TMEM161B: variants seen among roughly 807,000 people sequenced by gnomAD.
The protein encoded by TMEM161B is transmembrane protein 161B.
A neutral mutation model predicts 61.8 loss-of-function variants in TMEM161B; 34 were observed. That is an observed-to-expected ratio of 0.55 (90% CI 0.42 to 0.73). The LOEUF (loss-of-function observed/expected upper bound fraction) is 0.73, where lower values mean the gene tolerates loss of function less well. Among genes scored for constraint, TMEM161B ranks in the 30% least tolerant of loss-of-function variants. The pLI is 0.00. For synonymous variants in TMEM161B, 167 were observed against 192.8 expected (o/e 0.87, Z 1.11); for missense variants, 456 against 558.5 (o/e 0.82, Z 1.85).
chr5:88,255,237 T>C (rs1754816301), intron 1 of TMEM161B, among the ~76,000 whole-genome samples: 1 of 152,132 alleles, frequency 6.6e-6, no homozygotes. Flanking sequence ...TTCTCCCATA[T>C]AATGCCAAAG....
chr5:88,249,199 G>T (rs562104781), intron 1 of TMEM161B, among the ~76,000 whole-genome samples: 13 of 152,190 alleles, frequency 8.5e-5, no homozygotes, highest in Non-Finnish European at 1.6e-4. Context: ...CTGTCCATGG[G>T]AGGGAAAAGG....
intron 5 of TMEM161B, among the ~76,000 whole-genome samples, chr5:88,216,715 G>A (rs33714): frequency 0.3 from 45,288 of 152,042 alleles, 7,976 homozygotes; most frequent in African/African-American, 0.47. Context: ...CACTTAACAG[G>A]TTTAAAAGAT....
rs185274635 is a variant in TMEM161B at position 88,249,168 on chromosome 5, A to G, written c.4-8252T>C. Among the ~76,000 whole-genome samples the G allele has an allele frequency of 1.8e-3, 270 of 152,208 alleles. 2 individuals carry two copies. Among genetic ancestry groups the G allele is most frequent in the African/African-American group, 6.2e-3 (257 of 41,558 alleles). On this transcript the variant is annotated intron_variant, in intron 1 of 11. Transcript: ENST00000296595. ...CAAAGCCCTGTATGCCCTCCACAGA[A>G]AGAAAGCAGGAAATGGAAAGCTGTC...
chr5:88,222,173 A>G (rs1401551290), intron 4 of TMEM161B, among the ~76,000 whole-genome samples: 1 of 152,174 alleles, frequency 6.6e-6, no homozygotes, highest in African/African-American at 2.4e-5. Context: ...GGCTCAAACA[A>G]TCTTCCCACC....
chr5:88,196,575 T>C, intron 11 of TMEM161B, 87 bp from the exon 12 acceptor site: 2 of 1,324,662 alleles, frequency 1.5e-6, no homozygotes, highest in Non-Finnish European at 2.0e-6. Context: ...TATTTGAAAT[T>C]AACAATATGT....
At chr5:88,212,078 G>T (rs1746919779) in intron 5 of TMEM161B, among the ~76,000 whole-genome samples, 1 of 151,926 alleles carries the variant, frequency 6.6e-6, no homozygotes, top group African/African-American at 2.4e-5. Context: ...GCAAAACTAG[G>T]TATATGCAAA....
At chr5:88,264,880 C>G (rs957313838) in intron 1 of TMEM161B, among the ~76,000 whole-genome samples, 5 of 150,716 alleles carry the variant, frequency 3.3e-5, no homozygotes, top group Non-Finnish European at 5.9e-5. Context: ...GGGAGTTAAA[C>G]AATGAGAACA....
intron 2 of TMEM161B, among the ~76,000 whole-genome samples, chr5:88,235,481 C>T (rs1481747431): frequency 1.3e-5 from 2 of 152,074 alleles, no homozygotes; most frequent in African/African-American, 2.4e-5. Context: ...GTTTCTAGTT[C>T]GTGAGAGTGG....
At chr5:88,206,713 A>G (rs894608133) in intron 6 of TMEM161B, among the ~76,000 whole-genome samples, 12 of 152,118 alleles carry the variant, frequency 7.9e-5, no homozygotes, top group African/African-American at 2.9e-4. Context: ...ATATTTGTAC[A>G]TTCCATGAGT....
At chr5:88,233,980 A>C (rs1045817441) in intron 2 of TMEM161B, among the ~76,000 whole-genome samples, 3 of 152,214 alleles carry the variant, frequency 2.0e-5, no homozygotes, top group African/African-American at 7.2e-5. Context: ...GAAAAAGTAA[A>C]GTTTATGTAG....
rs1425453781 is a variant in TMEM161B at position 88,218,958 on chromosome 5, CT to C, written c.446+1604del. ...CAAGTAGGAGGCAGACATAGAATAT[CT>C]TTAAAAAGAGCTCCAATTTGAGGGA... On this transcript the variant is annotated intron_variant, in intron 5 of 11. Transcript: ENST00000296595. Among the ~76,000 whole-genome samples, 12 of 119,438 alleles carry C rather than the reference CT, an allele frequency of 1.0e-4. No individual in the cohort carries two copies. In the East Asian group the frequency reaches 3.8e-3, roughly 38 times the overall value. The allele number at this position is 119,438 out of a possible 152,430, so 78.4% of individuals were successfully genotyped here.
At chr5:88,227,634 T>C (rs2112573551) in intron 3 of TMEM161B, among the ~76,000 whole-genome samples, 1 of 152,352 alleles carries the variant, frequency 6.6e-6, no homozygotes, top group African/African-American at 2.4e-5. Flanking sequence ...TAATCATTAA[T>C]GTTTAATCAT....
At chr5:88,203,597 C>T (rs967156691) in intron 8 of TMEM161B, among the ~76,000 whole-genome samples, 2 of 151,416 alleles carry the variant, frequency 1.3e-5, no homozygotes, top group African/African-American at 4.9e-5. Flanking sequence ...ATATGGCAGA[C>T]GGAACCTACT....
At position 88,195,543 on chromosome 5, in the gene TMEM161B, T is replaced by G; in HGVS notation, c.*668A>C. Reference sequence around the variant, plus strand: ...AATGGCAAGATTACAAATGTTCATATGGCCAATCATTTTAAAAGAACTCTC... The same window carrying G: ...AATGGCAAGATTACAAATGTTCATAGGGCCAATCATTTTAAAAGAACTCTC... On this transcript the variant is annotated 3_prime_UTR_variant, in exon 12 of 12. Coordinates refer to ENST00000296595, the MANE Select transcript of TMEM161B (RefSeq NM_153354.5). 9 of 985,430 alleles carry G rather than the reference T, an allele frequency of 9.1e-6. No individual in the cohort carries two copies. The highest frequency in any genetic ancestry group is 1.1e-5 in the Non-Finnish European group (9 of 829,726). 61.0% of individuals were successfully genotyped at this position (985,430 alleles called of 1,614,324 possible).
rs1745461090 is a variant in TMEM161B, at chr5:88,206,343, C to A, written c.659+96G>T. 3.9e-6 allele frequency: 4 copies of A among 1,037,540 alleles called. No individual in the cohort carries two copies. In the African/African-American group the frequency reaches 4.9e-5, roughly 13 times the overall value. The allele number at this position is 1,037,540 out of a possible 1,614,324, so 64.3% of individuals were successfully genotyped here. ...AGAAGTGACAGTCCAACTTAAAACT[C>A]TTTACTAATTTAAAACAGCTATTTA... On this transcript the variant is annotated intron_variant, in intron 7 of 11. Transcript: ENST00000296595.
downstream of TMEM161B, chr5:88,190,055 A>AAGGACATC (rs199784042): frequency 3.9e-3 from 2,707 of 700,576 alleles, 79 homozygotes; most frequent in East Asian, 0.062. Flanking sequence ...TAAGATCTCA[A>AAGGACATC]AGAAGCACAT....
chr5:88,202,641 C>T (rs191040213), intron 9 of TMEM161B: 1 of 244,970 alleles, frequency 4.1e-6, no homozygotes, highest in Admixed American at 5.8e-5. Flanking sequence ...AAAATTAAAA[C>T]AAAAGAACTC....
chr5:88,236,222 G>A (rs1489030832), intron 2 of TMEM161B, among the ~76,000 whole-genome samples: 2 of 152,100 alleles, frequency 1.3e-5, no homozygotes, highest in Non-Finnish European at 2.9e-5. Flanking sequence ...TTTTCAGTGA[G>A]GGACTTATGA....
intron 3 of TMEM161B, among the ~76,000 whole-genome samples, chr5:88,227,186 T>C (rs1750201064): frequency 6.6e-6 from 1 of 152,198 alleles, no homozygotes; most frequent in African/African-American, 2.4e-5. Context: ...TGAGACTCTT[T>C]CTACATAACT....
Sources: gnomAD v4.1 joint callset for allele counts (sites outside exome capture counted in the v4.1 genomes callset) on GRCh38, gnomAD v4.1.1 for gene constraint, MANE v1.5 for transcripts, NCBI Gene and HGNC (gene_info 2026-07-23, HGNC 2026-07-21) for gene names.